The following RNF212 variants were observed in gnomAD, a reference collection of about 807,000 sequenced individuals.
The protein encoded by RNF212 is ring finger protein 212.
A neutral mutation model predicts 34.7 loss-of-function variants in RNF212; 33 were observed. The observed-to-expected ratio is 0.95, with a 90% confidence interval of 0.72 to 1.27. The LOEUF (loss-of-function observed/expected upper bound fraction) is 1.27, where lower values mean the gene tolerates loss of function less well. RNF212 is among the 50% of genes most tolerant of loss of function. The pLI, the probability that RNF212 is intolerant of heterozygous loss-of-function variation, is 0.00. For missense variants in RNF212, 377 were observed against 362.2 expected (o/e 1.04, Z -0.33); for synonymous variants, 140 against 136.1 (o/e 1.03, Z -0.20).
intron 2 of RNF212, among the ~76,000 whole-genome samples, chr4:1,103,315 C>T (rs923029613): frequency 1.3e-5 from 2 of 152,106 alleles, no homozygotes; most frequent in African/African-American, 2.4e-5. Context: ...TGCTACCAAA[C>T]ATTTAAAGAA....
intron 2 of RNF212, among the ~76,000 whole-genome samples, chr4:1,098,040 G>A (rs565062647): frequency 2.6e-5 from 4 of 152,158 alleles, no homozygotes; most frequent in African/African-American, 9.7e-5. Context: ...ACTCCAGCCT[G>A]GGCAACAGAG....
At chr4:1,070,266 T>C (rs1384329554), downstream of RNF212, among the ~76,000 whole-genome samples, 2 of 145,838 alleles carry the variant, frequency 1.4e-5, no homozygotes, top group Non-Finnish European at 3.0e-5. Context: ...CTGTGCTGTG[T>C]CAGCGTGGAC....
chr4:1,071,678 T>C lies in RNF212; in HGVS notation c.*1196A>G, dbSNP rs1718509716. The C allele has an allele frequency of 6.6e-6, 1 of 152,246 alleles. No homozygotes were observed. The highest frequency in any genetic ancestry group is 2.4e-5 in the African/African-American group (1 of 41,460). The allele number at this position is 152,246 out of a possible 1,614,324, so 9.4% of individuals were successfully genotyped here. A position where few individuals can be genotyped will look rare whatever the true frequency, so the allele number is the denominator to read the frequency against. ...CAGATGAAAAATCAGCATAAGATGCTCCTAGTCATATGTTATCAATGAAAT... is the reference window on the plus strand; with the variant it reads ...CAGATGAAAAATCAGCATAAGATGCCCCTAGTCATATGTTATCAATGAAAT... On this transcript the variant is annotated 3_prime_UTR_variant, in exon 10 of 10. Coordinates refer to ENST00000433731, the MANE Select transcript of RNF212 (RefSeq NM_001131034.4).
chr4:1,059,153 G>T (rs796215488), intron 3 of RNF212, among the ~76,000 whole-genome samples: 2 of 152,224 alleles, frequency 1.3e-5, no homozygotes, highest in Non-Finnish European at 2.9e-5. Flanking sequence ...GCGGCACGTC[G>T]GGGGGTTGCC....
intron 5 of RNF212, chr4:1,085,677 A>G: frequency 1.7e-6 from 1 of 578,662 alleles, no homozygotes; most frequent in Non-Finnish European, 3.1e-6. Context: ...CCCCAAGGGG[A>G]AACCATTCAT....
chr4:1,081,338 G>C, intron 7 of RNF212, 81 bp downstream of exon 7: 2 of 1,187,192 alleles, frequency 1.7e-6, no homozygotes, highest in East Asian at 2.3e-5. Flanking sequence ...GCTTGGAGAG[G>C]GGGTGGGGTT....
At position 1,072,873 on chromosome 4, in the gene RNF212, A is replaced by C; in HGVS notation, c.*1T>G. On this transcript the variant is annotated 3_prime_UTR_variant, in exon 10 of 10. Transcript: ENST00000433731. Reference sequence around the variant, plus strand: ...ATCATTAATAGTCACATAAATGCAAATCAAAATGACTTTTTCCTTTCAAAT... The same window carrying C: ...ATCATTAATAGTCACATAAATGCAACTCAAAATGACTTTTTCCTTTCAAAT... The C allele has an allele frequency of 6.3e-7, 1 of 1,589,780 alleles. No homozygotes were observed. The highest frequency in any genetic ancestry group is 8.6e-7 in the Non-Finnish European group (1 of 1,166,836).
chr4:1,072,918 C>T lies in RNF212; in HGVS notation c.850G>A (p.Val284Ile). The stretch of plus-strand genomic sequence containing the variant: ...TCAAATTGGCAAAGAGGAAACACAA[C>T]AGACACAGCGGGTGTTCTGAACGTG... ...LDTFRTPAVS[V>I]VFPLCQFERK... Residue 284 changes from valine to isoleucine, a missense_variant, in exon 10 of 10, where the codon GTT (valine) becomes ATT (isoleucine). Transcript: ENST00000433731. The T allele has an allele frequency of 1.2e-6, 2 of 1,613,642 alleles. No individual in the cohort carries two copies. The highest frequency in any genetic ancestry group is 1.7e-6 in the Non-Finnish European group (2 of 1,179,656).
rs73792255 is a variant in RNF212, at chr4:1,073,387, T to G, written c.575-194A>C. ...ATAGAATGCAAAGGAGCCAGTTATC[T>G]CCTGTGACTTGTTACACGGTCATCA... On this transcript the variant is annotated intron_variant, in intron 9 of 9. Transcript: ENST00000433731. Among the ~76,000 whole-genome samples, 1,001 of 152,250 alleles carry G rather than the reference T, an allele frequency of 6.6e-3. 13 individuals are homozygous for G. Among genetic ancestry groups the G allele is most frequent in the African/African-American group, 0.021 (890 of 41,524 alleles).
chr4:1,093,760 G>A (rs1249959812), intron 3 of RNF212: 3 of 1,536,274 alleles, frequency 2.0e-6, no homozygotes, highest in Non-Finnish European at 1.7e-6. Context: ...AAGGGGACTT[G>A]GTGTGAATGA....
At chr4:1,097,127 G>A (rs976058459) in intron 2 of RNF212, among the ~76,000 whole-genome samples, 2 of 152,130 alleles carry the variant, frequency 1.3e-5, no homozygotes, top group African/African-American at 4.8e-5. Context: ...CTTAGTGAGG[G>A]CAGAAGGTCA....
chr4:1,109,075 T>C (rs1207747390), intron 1 of RNF212, among the ~76,000 whole-genome samples: 3 of 150,086 alleles, frequency 2.0e-5, no homozygotes, highest in Non-Finnish European at 4.4e-5. Flanking sequence ...TGACGCGATC[T>C]TGGCTCACTG....
At chr4:1,058,364 G>A in exon 4 of RNF212, 2 of 985,334 alleles carry the variant, frequency 2.0e-6, no homozygotes, top group Non-Finnish European at 2.4e-6. Context: ...GTCAGGCCGG[G>A]ATGCTCGGGG....
chr4:1,089,703 T>C (rs1050066541), intron 4 of RNF212, among the ~76,000 whole-genome samples: 6 of 144,684 alleles, frequency 4.1e-5, no homozygotes, highest in East Asian at 1.9e-4. Flanking sequence ...GGGAAGTGAT[T>C]GGATCATGGG....
chr4:1,075,436 C>G (rs1344169354), intron 8 of RNF212, among the ~76,000 whole-genome samples: 1 of 152,114 alleles, frequency 6.6e-6, no homozygotes, highest in Non-Finnish European at 1.5e-5. Context: ...CAAGGGGGAG[C>G]AGGCGCGTTG....
intron 5 of RNF212, among the ~76,000 whole-genome samples, chr4:1,084,684 G>A (rs1439766591): frequency 2.3e-5 from 3 of 131,756 alleles, no homozygotes; most frequent in Middle Eastern, 0.011. Context: ...CTGAGATCAC[G>A]CCACTGCACT....
At chr4:1,087,631 G>A (rs79329953) in intron 4 of RNF212, among the ~76,000 whole-genome samples, 3,851 of 150,848 alleles carry the variant, frequency 0.026, 341 homozygotes, top group Admixed American at 0.18. Context: ...GGGTTGAGAG[G>A]TGACAGAATG....
intron 5 of RNF212, 171 bp downstream of exon 5, chr4:1,085,725 C>T (rs183417554): frequency 3.2e-6 from 2 of 625,184 alleles, no homozygotes; most frequent in South Asian, 3.8e-5. Context: ...CCCTTCTTCC[C>T]TTCGGTTTTC....
Position 1,073,742 on chromosome 4 carries a change from A to G in RNF212, c.511-80T>C, listed in dbSNP as rs566794957. 8.0e-4 allele frequency: 740 copies of G among 921,044 alleles called. 7 individuals carry two copies. The Middle Eastern group carries it at 0.012, about 15-fold the overall frequency. 57.1% of individuals were successfully genotyped at this position (921,044 alleles called of 1,614,324 possible). On this transcript the variant is annotated intron_variant, in intron 8 of 9. Coordinates refer to ENST00000433731, the MANE Select transcript of RNF212 (RefSeq NM_001131034.4). ...ATTCGGACTCCCACTGTCTGTTAGG[A>G]ACACATTTCCCAGAACCCCATCTCC...
Sources: gnomAD v4.1 joint callset for allele counts (sites outside exome capture counted in the v4.1 genomes callset) on GRCh38, gnomAD v4.1.1 for gene constraint, MANE v1.5 for transcripts, NCBI Gene and HGNC (gene_info 2026-07-23, HGNC 2026-07-21) for gene names.